CACNA2D1: variants seen among roughly 807,000 people sequenced by gnomAD.
CACNA2D1 encodes voltage-dependent calcium channel subunit alpha-2/delta-1.
In CACNA2D1, 53 loss-of-function variants were observed where a neutral mutation model predicts 171.5. That is an observed-to-expected ratio of 0.31 (90% CI 0.25 to 0.39). The LOEUF (loss-of-function observed/expected upper bound fraction) is 0.39, where lower values mean the gene tolerates loss of function less well. CACNA2D1 is among the 10% of genes least tolerant of loss of function. The pLI, the probability that CACNA2D1 is intolerant of heterozygous loss-of-function variation, is 1.00. For missense variants in CACNA2D1, 903 were observed against 1,299.8 expected (o/e 0.69, Z 4.69); for synonymous variants, 442 against 443.1 (o/e 1.00, Z 0.03).
intron 12 of CACNA2D1, chr7:82,028,595 C>G (rs1441651430): frequency 1.3e-5 from 2 of 151,764 alleles, no homozygotes; most frequent in Admixed American, 6.6e-5. Flanking sequence ...ATCCACAATT[C>G]TATATACCAT....
chr7:81,991,971 A>G (rs1797586052), intron 20 of CACNA2D1, among the ~76,000 whole-genome samples: 1 of 149,964 alleles, frequency 6.7e-6, no homozygotes, highest in Admixed American at 6.7e-5. Context: ...AGTAGCTGGG[A>G]CTACAGGGGC....
chr7:82,067,321 T>C (rs989564885), intron 7 of CACNA2D1, among the ~76,000 whole-genome samples: 5 of 152,200 alleles, frequency 3.3e-5, no homozygotes, highest in African/African-American at 1.2e-4. Context: ...TCCCCGTACT[T>C]GGACATGTTT....
chr7:82,191,987 T>C (rs1167528414), intron 3 of CACNA2D1, among the ~76,000 whole-genome samples: 1 of 151,764 alleles, frequency 6.6e-6, no homozygotes, highest in African/African-American at 2.4e-5. Context: ...TCTCACCACA[T>C]ACTGTGGAAA....
At chr7:82,332,520 AAGAAAGAAAGAAAGAAAGAAAG>A (rs1817448977) in intron 3 of CACNA2D1, among the ~76,000 whole-genome samples, 1 of 90,224 alleles carries the variant, frequency 1.1e-5, no homozygotes, top group Non-Finnish European at 2.3e-5. Flanking sequence ...TAAAGAAAGA[AAGAAAGAAAGAAAGAAAGAAAG>A]AAAGAAAGAA....
intron 6 of CACNA2D1, among the ~76,000 whole-genome samples, chr7:82,094,646 T>A (rs567556676): frequency 6.7e-6 from 1 of 148,964 alleles, no homozygotes; most frequent in East Asian, 2.0e-4. Context: ...CATGTATTTT[T>A]AATTTTCATT....
intron 6 of CACNA2D1, among the ~76,000 whole-genome samples, chr7:82,091,267 C>T (rs1401660901): frequency 6.6e-6 from 1 of 152,088 alleles, no homozygotes; most frequent in Non-Finnish European, 1.5e-5. Flanking sequence ...CAGAATCCAC[C>T]TCGCACTGAG....
chr7:82,347,274 C>T (rs1819357293), intron 2 of CACNA2D1, among the ~76,000 whole-genome samples: 1 of 152,014 alleles, frequency 6.6e-6, no homozygotes, highest in South Asian at 2.1e-4. Context: ...AAATATATTA[C>T]TATTTTATTT....
At chr7:82,153,506 T>C (rs75125678) in intron 4 of CACNA2D1, among the ~76,000 whole-genome samples, 17 of 152,206 alleles carry the variant, frequency 1.1e-4, no homozygotes, top group East Asian at 7.7e-4. Flanking sequence ...ATGGAAACAT[T>C]TTTCTCCAGT....
At chr7:82,153,601 T>A (rs967924025) in intron 4 of CACNA2D1, among the ~76,000 whole-genome samples, 1 of 152,072 alleles carries the variant, frequency 6.6e-6, no homozygotes. Flanking sequence ...TAATATAAAT[T>A]TATTTGTGAC....
At chr7:82,333,803 T>G (rs1177842100) in intron 3 of CACNA2D1, among the ~76,000 whole-genome samples, 1 of 151,902 alleles carries the variant, frequency 6.6e-6, no homozygotes. Flanking sequence ...AGACTAAAAT[T>G]ATATACTCAT....
At chr7:82,028,353 A>T (rs1029813782) in intron 12 of CACNA2D1, 3 of 151,846 alleles carry the variant, frequency 2.0e-5, no homozygotes, top group African/African-American at 7.2e-5. Flanking sequence ...ATTATTGCTC[A>T]CTGACAATGT....
intron 3 of CACNA2D1, among the ~76,000 whole-genome samples, chr7:82,329,319 A>G (rs1025915573): frequency 1.3e-5 from 2 of 152,158 alleles, no homozygotes; most frequent in East Asian, 1.9e-4. Context: ...AATAGATTGG[A>G]GCAGCTTTAA....
At chr7:82,136,571 T>G (rs1791639111) in intron 5 of CACNA2D1, 64 bp downstream of exon 5, 1 of 1,243,482 alleles carries the variant, frequency 8.0e-7, no homozygotes, top group Non-Finnish European at 1.1e-6. Flanking sequence ...CAATTTATTC[T>G]ATATAAGGCC....
chr7:82,375,132 G>A (rs1027796622), intron 1 of CACNA2D1, among the ~76,000 whole-genome samples: 4 of 152,096 alleles, frequency 2.6e-5, no homozygotes, highest in African/African-American at 4.8e-5. Context: ...AAGAAAAAAT[G>A]AGCAGAAACA....
chr7:82,132,848 G>A (rs1791156699), intron 5 of CACNA2D1, among the ~76,000 whole-genome samples: 1 of 152,234 alleles, frequency 6.6e-6, no homozygotes, highest in East Asian at 1.9e-4. Context: ...TCTTATAAGA[G>A]CATTAGCATT....
intron 3 of CACNA2D1, among the ~76,000 whole-genome samples, chr7:82,332,519 A>AAAGAAAG (rs1491294890): frequency 1.1e-5 from 1 of 89,994 alleles, no homozygotes; most frequent in Non-Finnish European, 2.4e-5. Context: ...ATAAAGAAAG[A>AAAGAAAG]AAGAAAGAAA....
At chr7:82,140,970 G>GAAAAAAAAAAAAAAAAAAAAAAAAAA (rs1007160020) in intron 4 of CACNA2D1, among the ~76,000 whole-genome samples, 1 of 92,914 alleles carries the variant, frequency 1.1e-5, no homozygotes, top group Non-Finnish European at 2.5e-5. Flanking sequence ...AAAAAAAAAA[G>GAAAAAAAAAAAAAAAAAAAAAAAAAA]AAAAAAAAAT....
intron 5 of CACNA2D1, among the ~76,000 whole-genome samples, chr7:82,120,289 AT>A (rs1305033843): frequency 2.6e-5 from 4 of 152,068 alleles, no homozygotes; most frequent in Non-Finnish European, 5.9e-5. Context: ...ATATTTTCAA[AT>A]TTCAATCTCT....
chr7:82,245,943 G>T (rs1262784621), intron 3 of CACNA2D1, among the ~76,000 whole-genome samples: 4 of 151,894 alleles, frequency 2.6e-5, no homozygotes, highest in Non-Finnish European at 1.5e-5. Context: ...AGTTATCAGT[G>T]ACCTCACCTC....
Sources: gnomAD v4.1 joint callset for allele counts (sites outside exome capture counted in the v4.1 genomes callset) on GRCh38, gnomAD v4.1.1 for gene constraint, MANE v1.5 for transcripts, NCBI Gene and HGNC (gene_info 2026-07-23, HGNC 2026-07-21) for gene names.